MILR1: variants seen among roughly 807,000 people sequenced by gnomAD.
MILR1 encodes the protein allergin-1.
MILR1 carries 31 observed loss-of-function variants against 18.5 expected under a neutral mutation model. The observed-to-expected ratio is 1.68, with a 90% CI of 1.26 to 2.26. The LOEUF (loss-of-function observed/expected upper bound fraction) is 2.26. MILR1 is among the 30% of genes most tolerant of loss of function. The pLI, the probability that MILR1 is intolerant of heterozygous loss-of-function variation, is 0.00. For missense variants in MILR1, 257 were observed against 157.4 expected (o/e 1.63, Z -3.38); for synonymous variants, 85 against 56.2 (o/e 1.51, Z -2.30).
chr17:64,456,119 A>G (rs1368496422), intron 3 of MILR1, among the ~76,000 whole-genome samples: 1 of 152,094 alleles, frequency 6.6e-6, no homozygotes, highest in African/African-American at 2.4e-5. Context: ...TCGGCCATTT[A>G]CTAGCTGTGT....
At chr17:64,492,978 C>T in the MILR1 span, 1 of 1,614,066 alleles carries the variant, frequency 6.2e-7, no homozygotes, top group Admixed American at 1.7e-5. Context: ...AAGGTAGCCT[C>T]TTGTTTACCA....
the MILR1 span, among the ~76,000 whole-genome samples, chr17:64,478,302 T>A: frequency 6.6e-6 from 1 of 152,148 alleles, no homozygotes; most frequent in Non-Finnish European, 1.5e-5. Flanking sequence ...AGCCTTTTGG[T>A]TCTTGGATGC....
the MILR1 span, chr17:64,493,109 C>G: frequency 7.4e-7 from 1 of 1,350,204 alleles, no homozygotes; most frequent in Non-Finnish European, 1.1e-6. Context: ...GTAGTAATAA[C>G]GTTAACACAG....
At position 64,466,441 on chromosome 17, in the gene MILR1, G is replaced by A. The variant is rs564265199; in HGVS notation, c.854-1G>A. The A allele has an allele frequency of 6.2e-7, 1 of 1,613,364 alleles. No homozygotes were observed. The highest frequency in any genetic ancestry group is 1.3e-5 in the African/African-American group (1 of 75,046). On this transcript the variant is annotated splice_acceptor_variant, in intron 6 of 9. Coordinates refer to ENST00000619286, the MANE Select transcript of MILR1 (RefSeq NM_001085423.2). LOFTEE classifies it high-confidence loss of function. ...CAATTTATGTCATTCTCATTTTACA[G>A]AGGAGGAATCTGTGCCAGAAGTGGG... is the stretch of plus-strand genomic sequence containing the variant.
chr17:64,462,250 G>A (rs894990778), intron 5 of MILR1, among the ~76,000 whole-genome samples: 1 of 151,194 alleles, frequency 6.6e-6, no homozygotes, highest in Non-Finnish European at 1.5e-5. Context: ...GGCTGGTCTC[G>A]AACACTTGGG....
At chr17:64,489,078 T>G in the MILR1 span, among the ~76,000 whole-genome samples, 1 of 149,364 alleles carries the variant, frequency 6.7e-6, no homozygotes, top group Non-Finnish European at 1.5e-5. Flanking sequence ...CAGGCTGGAG[T>G]GCAGCAGCAC....
At chr17:64,477,698 C>T in the MILR1 span, 7 of 1,070,330 alleles carry the variant, frequency 6.5e-6, no homozygotes, top group African/African-American at 9.6e-5. Flanking sequence ...AAAATATAAA[C>T]ACTGAATGAA....
chr17:64,491,043 G>T, the MILR1 span: 2 of 1,139,442 alleles, frequency 1.8e-6, no homozygotes, highest in Admixed American at 1.7e-5. Flanking sequence ...TTATCTGTAA[G>T]AATTTAAATT....
the MILR1 span, chr17:64,490,951 T>C: frequency 1.9e-6 from 3 of 1,613,840 alleles, no homozygotes; most frequent in Non-Finnish European, 2.5e-6. Context: ...CTGCTGAAGT[T>C]AGATGGACTC....
At chr17:64,471,198 C>T (rs1555664519), downstream of MILR1, among the ~76,000 whole-genome samples, 1 of 152,074 alleles carries the variant, frequency 6.6e-6, no homozygotes, top group Non-Finnish European at 1.5e-5. Flanking sequence ...AGGAAGCAGG[C>T]CCAATGCGCC....
chr17:64,457,508 C>T lies in MILR1; in HGVS notation c.476C>T (p.Thr159Ile), dbSNP rs1352161075. ...SVNGSLPINY[T>I]FFENHVAISP... Reference sequence around the variant, plus strand: ...AATGGCTCGCTGCCCATCAATTACACTTTCTTTGAAAACCATGTTGCCATA... The same window carrying T: ...AATGGCTCGCTGCCCATCAATTACATTTTCTTTGAAAACCATGTTGCCATA... Residue 159 changes from threonine to isoleucine, a missense_variant, in exon 4 of 10, where the codon ACT becomes ATT. Thr to Ile is a moderately conservative substitution (Grantham distance 89, BLOSUM62 -1). Transcript: ENST00000619286. 4.2e-5 allele frequency: 20 copies of T among 475,300 alleles called. No individual in the cohort carries two copies. Among genetic ancestry groups the T allele is most frequent in the Non-Finnish European group, 7.3e-5 (19 of 259,074 alleles). The allele number at this position is 475,300 out of a possible 1,614,324, so 29.4% of individuals were successfully genotyped here.
At chr17:64,490,291 A>C in the MILR1 span, among the ~76,000 whole-genome samples, 5 of 152,204 alleles carry the variant, frequency 3.3e-5, no homozygotes, top group African/African-American at 1.2e-4. Context: ...CATCTTAACT[A>C]AATGATAAAA....
chr17:64,453,377 ATTCTT>A (rs1273404836), intron 3 of MILR1, among the ~76,000 whole-genome samples: 7 of 152,058 alleles, frequency 4.6e-5, no homozygotes, highest in South Asian at 2.1e-4. Flanking sequence ...TGAGTTCTCT[ATTCTT>A]AATCATTCCG....
At chr17:64,475,420 G>A in the MILR1 span, among the ~76,000 whole-genome samples, 2 of 151,708 alleles carry the variant, frequency 1.3e-5, no homozygotes, top group East Asian at 1.9e-4. Flanking sequence ...AGGCCGAGGC[G>A]GGCGGATCAC....
At chr17:64,478,300 G>T in the MILR1 span, among the ~76,000 whole-genome samples, 11 of 152,086 alleles carry the variant, frequency 7.2e-5, no homozygotes, top group Admixed American at 6.5e-4. Context: ...TCAGCCTTTT[G>T]GTTCTTGGAT....
At chr17:64,468,906 G>A (rs955021888), downstream of MILR1, among the ~76,000 whole-genome samples, 1 of 151,876 alleles carries the variant, frequency 6.6e-6, no homozygotes, top group African/African-American at 2.4e-5. Context: ...CCAACATGGT[G>A]AAACCCCGTC....
intron 4 of MILR1, among the ~76,000 whole-genome samples, chr17:64,459,944 T>C (rs2144044178): frequency 1.3e-5 from 2 of 152,198 alleles, no homozygotes; most frequent in South Asian, 4.1e-4. Context: ...CTGTGGAAGA[T>C]GTGCTTGGTC....
intron 6 of MILR1, 92 bp from the exon 7 acceptor site, chr17:64,466,350 G>A: frequency 1.9e-6 from 2 of 1,040,554 alleles, no homozygotes; most frequent in Admixed American, 4.0e-5. Context: ...CAGCCTACAT[G>A]GCCACATTCC....
chr17:64,488,572 T>G, the MILR1 span, among the ~76,000 whole-genome samples: 1 of 152,008 alleles, frequency 6.6e-6, no homozygotes, highest in African/African-American at 2.4e-5. Flanking sequence ...AATAAGACAC[T>G]AATAGCCACA....
Sources: gnomAD v4.1 joint callset for allele counts (sites outside exome capture counted in the v4.1 genomes callset) on GRCh38, gnomAD v4.1.1 for gene constraint, MANE v1.5 for transcripts, NCBI Gene and HGNC (gene_info 2026-07-23, HGNC 2026-07-21) for gene names.